PLEK: variants seen among roughly 807,000 people sequenced by gnomAD.
The protein encoded by PLEK is pleckstrin.
Under a neutral mutation model 43.9 loss-of-function variants are expected in PLEK, and 25 were observed. The ratio of observed to expected loss-of-function variants is 0.57; its 90% CI spans 0.41 to 0.79. The LOEUF is 0.79. Among genes scored for constraint, PLEK ranks in the 30% least tolerant of loss-of-function variants. The pLI is 0.00. For synonymous variants in PLEK, 152 were observed against 144.4 expected (o/e 1.05, Z -0.38); for missense variants, 396 against 413.3 (o/e 0.96, Z 0.36).
Position 68,380,855 on chromosome 2 carries a change from A to C in PLEK, c.331A>C (p.Arg111=). ...KCIEGGQKFA[R]KSTRRSIRLP... ...CATTGAAGGAGGCCAGAAATTTGCC[A>C]GGAAATCTACCAGGAGGTCCATTCG... Residue 111 remains arginine, a synonymous_variant, in exon 3 of 9, where the codon AGG becomes CGG. Transcript: ENST00000234313. 1 of 1,614,090 alleles carries C rather than the reference A, an allele frequency of 6.2e-7. No individual in the cohort carries two copies. The highest frequency in any genetic ancestry group is 8.5e-7 in the Non-Finnish European group (1 of 1,179,948).
intron 6 of PLEK, among the ~76,000 whole-genome samples, chr2:68,391,525 C>T (rs1673859092): frequency 6.6e-6 from 1 of 152,224 alleles, no homozygotes; most frequent in African/African-American, 2.4e-5. Flanking sequence ...TCTGTCCTTG[C>T]ATATGACTCT....
intron 5 of PLEK, among the ~76,000 whole-genome samples, chr2:68,387,514 C>A (rs1673770282): frequency 6.6e-6 from 1 of 152,174 alleles, no homozygotes; most frequent in Non-Finnish European, 1.5e-5. Flanking sequence ...AATGTGTCCA[C>A]AGATGTCACT....
chr2:68,376,923 C>A (rs1038838772), intron 1 of PLEK, among the ~76,000 whole-genome samples: 8 of 152,172 alleles, frequency 5.3e-5, no homozygotes, highest in African/African-American at 1.7e-4. Flanking sequence ...CAGTCCCCCA[C>A]TTCCCTTCCT....
chr2:68,366,554 A>G (rs537517939), intron 1 of PLEK, among the ~76,000 whole-genome samples: 1 of 152,332 alleles, frequency 6.6e-6, no homozygotes, highest in South Asian at 2.1e-4. Flanking sequence ...TCATTACTCC[A>G]GCATTTTCTT....
At chr2:68,384,686 T>TGACA (rs1558499516) in intron 4 of PLEK, among the ~76,000 whole-genome samples, 1 of 152,174 alleles carries the variant, frequency 6.6e-6, no homozygotes, top group Non-Finnish European at 1.5e-5. Context: ...AAATGTCCGA[T>TGACA]GACAGGCAGA....
chr2:68,380,052 T>G (rs986905250), intron 1 of PLEK, among the ~76,000 whole-genome samples: 2 of 151,820 alleles, frequency 1.3e-5, no homozygotes, highest in African/African-American at 4.8e-5. Flanking sequence ...TTGAAGGATA[T>G]GGAGAGGTTA....
chr2:68,385,042 G>T (rs1673709090), intron 4 of PLEK, among the ~76,000 whole-genome samples: 1 of 152,146 alleles, frequency 6.6e-6, no homozygotes. Context: ...TACTGCTTTT[G>T]CCCGGATGAC....
intron 8 of PLEK, among the ~76,000 whole-genome samples, 187 bp downstream of exon 8, chr2:68,394,363 G>T (rs1673917258): frequency 6.6e-6 from 1 of 152,192 alleles, no homozygotes; most frequent in Non-Finnish European, 1.5e-5. Flanking sequence ...CTTGTGATCA[G>T]GATTTCGAGA....
intron 8 of PLEK, among the ~76,000 whole-genome samples, chr2:68,395,176 T>C (rs1393775613): frequency 6.6e-6 from 1 of 151,220 alleles, no homozygotes; most frequent in Non-Finnish European, 1.5e-5. Context: ...TGTATGTATA[T>C]AAACATATAT....
intron 5 of PLEK, 27 bp downstream of exon 5, chr2:68,386,713 C>G (rs1240232678): frequency 6.4e-7 from 1 of 1,565,798 alleles, no homozygotes; most frequent in Admixed American, 1.7e-5. Context: ...ATCTCTTCTT[C>G]CTGTAAGGGA....
At chr2:68,395,246 C>G (rs570347856) in intron 8 of PLEK, among the ~76,000 whole-genome samples, 1 of 149,726 alleles carries the variant, frequency 6.7e-6, no homozygotes, top group Non-Finnish European at 1.5e-5. Context: ...ATTATAAATA[C>G]AAATCTATAT....
At chr2:68,385,382 C>T (rs773084703) in intron 4 of PLEK, among the ~76,000 whole-genome samples, 4 of 152,190 alleles carry the variant, frequency 2.6e-5, no homozygotes, top group Non-Finnish European at 4.4e-5. Flanking sequence ...GCTTAAATGA[C>T]TTCTCAAGGT....
chr2:68,380,573 G>T, intron 2 of PLEK, 90 bp downstream of exon 2: 1 of 1,450,116 alleles, frequency 6.9e-7, no homozygotes, highest in Non-Finnish European at 9.5e-7. Context: ...GGTGCTCCTT[G>T]GGCTGGTCCC....
intron 6 of PLEK, among the ~76,000 whole-genome samples, chr2:68,388,959 A>G (rs1009258107): frequency 2.6e-5 from 4 of 152,182 alleles, no homozygotes; most frequent in Non-Finnish European, 5.9e-5. Flanking sequence ...AGGGCATGAC[A>G]AGACCAAAAC....
chr2:68,380,412 A>T lies in PLEK; in HGVS notation c.127A>T (p.Ser43Cys). ...ATTCTATAAGAAGAAAAGTGACAAC[A>T]GCCCCAAAGGAATGATCCCGCTGAA... ...IEFYKKKSDN[S>C]PKGMIPLKGS... The change falls in exon 2 of 9, where the codon AGC (serine) becomes TGC (cysteine). Residue 43 changes from serine (S) to cysteine (C), a missense_variant. Physicochemically the swap from Ser to Cys is moderately radical, Grantham distance 112. Coordinates refer to ENST00000234313, the MANE Select transcript of PLEK (RefSeq NM_002664.3). 6.2e-7 allele frequency: 1 copy of T among 1,613,866 alleles called. No homozygotes were observed.
chr2:68,369,930 A>G (rs533835906), intron 1 of PLEK, among the ~76,000 whole-genome samples: 1 of 152,196 alleles, frequency 6.6e-6, no homozygotes, highest in Admixed American at 6.5e-5. Flanking sequence ...AAAATATGCT[A>G]CTGAATAGAC....
At chr2:68,384,883 A>C (rs1410372509) in intron 4 of PLEK, among the ~76,000 whole-genome samples, 1 of 152,224 alleles carries the variant, frequency 6.6e-6, no homozygotes, top group Non-Finnish European at 1.5e-5. Flanking sequence ...CCTCTTTCAC[A>C]GGCTGCTATG....
chr2:68,388,384 CAG>C lies in PLEK; in HGVS notation c.658-2_658-1del. ...GTTAGCTTGCTGTTTGATTTTCCAA[CAG>C]CCAGACAGTGGGTTCTTCTGTGAAG... is the stretch of plus-strand genomic sequence containing the variant. On this transcript the variant is annotated splice_acceptor_variant, in intron 5 of 8. Transcript: ENST00000234313. LOFTEE classifies it high-confidence loss of function. 6.3e-7 allele frequency: 1 copy of C among 1,587,168 alleles called. No individual in the cohort carries two copies. The highest frequency in any genetic ancestry group is 8.7e-7 in the Non-Finnish European group (1 of 1,155,574).
chr2:68,373,392 G>A (rs1673445793), intron 1 of PLEK, among the ~76,000 whole-genome samples: 1 of 151,974 alleles, frequency 6.6e-6, no homozygotes, highest in South Asian at 2.1e-4. Flanking sequence ...GGCTGCACTT[G>A]ATTTAGAAAA....
Sources: allele counts gnomAD v4.1 joint callset (sites outside exome capture counted in the v4.1 genomes callset), GRCh38; gene constraint gnomAD v4.1.1; transcripts MANE v1.5; gene names NCBI Gene and HGNC (gene_info 2026-07-23, HGNC 2026-07-21).